NDST4: variants seen among roughly 807,000 people sequenced by gnomAD.
The protein encoded by NDST4 is N-heparan sulfate sulfotransferase 4.
In NDST4, 63 loss-of-function variants were observed where a neutral mutation model predicts 100.8. That is an observed-to-expected ratio of 0.62 (90% CI 0.51 to 0.77). The LOEUF is 0.77. Among genes scored for constraint, NDST4 ranks in the 30% least tolerant of loss-of-function variants. NDST4 has a pLI of 0.00. For missense variants in NDST4, 943 were observed against 1,018.4 expected (o/e 0.93, Z 1.01); for synonymous variants, 377 against 361.8 (o/e 1.04, Z -0.48).
At chr4:114,930,900 C>A (rs1578396285) in intron 6 of NDST4, among the ~76,000 whole-genome samples, 2 of 151,986 alleles carry the variant, frequency 1.3e-5, no homozygotes, top group Non-Finnish European at 2.9e-5. Context: ...GACACACACA[C>A]AAAAGGGTCA....
At chr4:114,864,082 T>G (rs1383339716) in intron 7 of NDST4, among the ~76,000 whole-genome samples, 1 of 152,210 alleles carries the variant, frequency 6.6e-6, no homozygotes, top group Non-Finnish European at 1.5e-5. Flanking sequence ...GCCTTTTTGC[T>G]ACTAAAATTT....
At chr4:114,888,941 C>A (rs1560796654) in intron 6 of NDST4, among the ~76,000 whole-genome samples, 1 of 151,710 alleles carries the variant, frequency 6.6e-6, no homozygotes, top group Non-Finnish European at 1.5e-5. Flanking sequence ...TGCATTTTAT[C>A]TTTACTTTCC....
intron 5 of NDST4, among the ~76,000 whole-genome samples, chr4:114,936,602 C>T (rs978996419): frequency 6.6e-6 from 1 of 152,130 alleles, no homozygotes; most frequent in African/African-American, 2.4e-5. Flanking sequence ...AGTAGGTATA[C>T]TTGTTTTAAA....
At chr4:115,078,100 A>G (rs753658622) in intron 1 of NDST4, among the ~76,000 whole-genome samples, 2 of 152,146 alleles carry the variant, frequency 1.3e-5, no homozygotes, top group Non-Finnish European at 2.9e-5. Flanking sequence ...ATGCATTTGT[A>G]TTATTTTGTT....
chr4:115,029,287 C>T (rs779216830), intron 2 of NDST4, among the ~76,000 whole-genome samples: 8 of 151,918 alleles, frequency 5.3e-5, no homozygotes, highest in Non-Finnish European at 1.0e-4. Flanking sequence ...AGAGAAGGAG[C>T]GGTTGAAAAA....
At chr4:114,896,491 T>G (rs980223944) in intron 6 of NDST4, among the ~76,000 whole-genome samples, 11 of 151,656 alleles carry the variant, frequency 7.3e-5, no homozygotes, top group Admixed American at 2.0e-4. Flanking sequence ...GGGTGTGGTG[T>G]CGGCCGCCTG....
At chr4:114,865,018 C>T (rs1441630) in intron 7 of NDST4, among the ~76,000 whole-genome samples, 38,324 of 151,846 alleles carry the variant, frequency 0.25, 6,913 homozygotes, top group African/African-American at 0.51. Context: ...CATAGTAAAA[C>T]TGACCCCAAG....
At chr4:114,932,930 T>C (rs1258834721) in intron 6 of NDST4, among the ~76,000 whole-genome samples, 1 of 152,058 alleles carries the variant, frequency 6.6e-6, no homozygotes, top group Non-Finnish European at 1.5e-5. Context: ...GAACTTTCTA[T>C]CAAAATATTA....
chr4:115,096,906 C>T (rs555874604), intron 1 of NDST4, among the ~76,000 whole-genome samples: 3 of 152,192 alleles, frequency 2.0e-5, no homozygotes, highest in South Asian at 2.1e-4. Context: ...ATAAACTTCA[C>T]GTTGTAAAAT....
intron 6 of NDST4, among the ~76,000 whole-genome samples, chr4:114,922,851 A>G (rs1725316144): frequency 6.6e-6 from 1 of 152,228 alleles, no homozygotes; most frequent in South Asian, 2.1e-4. Context: ...GGATACATAT[A>G]GTAGAGGTGA....
At position 114,935,341 on chromosome 4, in the gene NDST4, A is replaced by T. The variant is rs919866586; in HGVS notation, c.1408-7T>A. Reference sequence around the variant, plus strand: ...AAGTCTGTCGAGGGAGGACCTGAGTAAAAAAGGGGAAAAACAGCACATGGA... The same window carrying T: ...AAGTCTGTCGAGGGAGGACCTGAGTTAAAAAGGGGAAAAACAGCACATGGA... On this transcript the variant is annotated splice_polypyrimidine_tract_variant and splice_region_variant and intron_variant, in intron 5 of 13. Transcript: ENST00000264363. 5.8e-6 allele frequency: 9 copies of T among 1,557,922 alleles called. No individual in the cohort carries two copies. In the African/African-American group the frequency reaches 1.2e-4, roughly 22 times the overall value.
At chr4:115,106,471 C>G (rs1456398364) in intron 1 of NDST4, among the ~76,000 whole-genome samples, 2 of 152,000 alleles carry the variant, frequency 1.3e-5, no homozygotes, top group Admixed American at 1.3e-4. Context: ...GATACTGAAA[C>G]CCCTGTATAA....
At chr4:114,897,299 C>A (rs1198986170) in intron 6 of NDST4, among the ~76,000 whole-genome samples, 1 of 152,116 alleles carries the variant, frequency 6.6e-6, no homozygotes, top group Non-Finnish European at 1.5e-5. Flanking sequence ...TAGTTTTAAC[C>A]TTTTCCAGAA....
At chr4:115,040,318 G>A (rs1354488841) in intron 2 of NDST4, among the ~76,000 whole-genome samples, 4 of 147,552 alleles carry the variant, frequency 2.7e-5, no homozygotes, top group African/African-American at 7.5e-5. Context: ...TATAAGCAAA[G>A]CAATTCTTCT....
intron 2 of NDST4, among the ~76,000 whole-genome samples, chr4:115,047,035 T>C (rs1728476849): frequency 6.6e-6 from 1 of 152,130 alleles, no homozygotes; most frequent in African/African-American, 2.4e-5. Context: ...TGAATTTGAA[T>C]ATTTCCCAAG....
intron 2 of NDST4, among the ~76,000 whole-genome samples, chr4:115,022,072 C>T (rs911148748): frequency 1.3e-5 from 2 of 151,928 alleles, no homozygotes; most frequent in South Asian, 4.2e-4. Flanking sequence ...ATACATTCCA[C>T]GTCTATACAC....
At chr4:114,929,105 CATCCATCCATCTATCTATCTATCT>C (rs1725453343) in intron 6 of NDST4, among the ~76,000 whole-genome samples, 8 of 121,908 alleles carry the variant, frequency 6.6e-5, no homozygotes, top group Non-Finnish European at 9.0e-5. Flanking sequence ...TCCATCCATC[CATCCATCCATCTATCTATCTATCT>C]ATCTATCTAT....
intron 6 of NDST4, among the ~76,000 whole-genome samples, chr4:114,927,193 G>A (rs918087764): frequency 5.3e-5 from 8 of 149,874 alleles, no homozygotes; most frequent in Non-Finnish European, 1.0e-4. Context: ...TATAATGCTT[G>A]TAGTATTTAA....
At chr4:114,876,747 A>G (rs1051817251) in intron 6 of NDST4, among the ~76,000 whole-genome samples, 2 of 152,302 alleles carry the variant, frequency 1.3e-5, no homozygotes, top group East Asian at 3.9e-4. Flanking sequence ...ATTTAGATAC[A>G]TCATTTTGTT....
Sources: allele counts gnomAD v4.1 joint callset (sites outside exome capture counted in the v4.1 genomes callset), GRCh38; gene constraint gnomAD v4.1.1; transcripts MANE v1.5; gene names NCBI Gene and HGNC (gene_info 2026-07-23, HGNC 2026-07-21).